Variants in CPAMD8 observed in about 807,000 individuals in gnomAD.
CPAMD8 encodes the protein C3 and PZP like alpha-2-macroglobulin domain containing 8.
CPAMD8 carries 146 observed loss-of-function variants against 224.7 expected under a neutral mutation model. The observed-to-expected ratio is 0.65, with a 90% confidence interval of 0.57 to 0.75. CPAMD8 has a LOEUF of 0.75. CPAMD8 is among the 30% of genes least tolerant of loss of function. CPAMD8 has a pLI of 0.00. For missense variants in CPAMD8, 2,301 were observed against 2,537.5 expected (o/e 0.91, Z 2.00); for synonymous variants, 966 against 1,044.6 (o/e 0.92, Z 1.45).
At chr19:16,913,439 C>G (rs997078347) in intron 29 of CPAMD8, among the ~76,000 whole-genome samples, 1 of 152,098 alleles carries the variant, frequency 6.6e-6, no homozygotes, top group African/African-American at 2.4e-5. Context: ...CACATGCACA[C>G]ACTAGGGAAA....
At chr19:16,906,726 T>G (rs1438472800) in intron 30 of CPAMD8, among the ~76,000 whole-genome samples, 1 of 151,982 alleles carries the variant, frequency 6.6e-6, no homozygotes, top group Non-Finnish European at 1.5e-5. Context: ...TGTTTTGTTT[T>G]TGAGACGGAG....
intron 21 of CPAMD8, among the ~76,000 whole-genome samples, chr19:16,946,697 T>G (rs1312908616): frequency 2.0e-5 from 3 of 148,090 alleles, no homozygotes; most frequent in Admixed American, 2.0e-4. Context: ...CGTGGGTGTG[T>G]GTGTGGATTT....
chr19:17,001,455 TG>T (rs2056318955), intron 9 of CPAMD8, among the ~76,000 whole-genome samples: 1 of 50,514 alleles, frequency 2.0e-5, no homozygotes, highest in African/African-American at 1.0e-4. Context: ...ATGGTGGGGT[TG>T]GGAGGGTCAC....
chr19:16,915,079 C>T (rs189856493), intron 27 of CPAMD8, among the ~76,000 whole-genome samples: 1 of 152,354 alleles, frequency 6.6e-6, no homozygotes, highest in East Asian at 1.9e-4. Context: ...CCTTGCTCGG[C>T]ACTCAAGGCC....
At chr19:16,979,200 A>C (rs2055398784) in intron 14 of CPAMD8, among the ~76,000 whole-genome samples, 1 of 146,972 alleles carries the variant, frequency 6.8e-6, no homozygotes, top group South Asian at 2.2e-4. Context: ...TCATCCAGTC[A>C]TCATCCGCCC....
chr19:17,013,152 A>G (rs563165885), intron 3 of CPAMD8, among the ~76,000 whole-genome samples: 2 of 151,654 alleles, frequency 1.3e-5, no homozygotes, highest in African/African-American at 4.9e-5. Flanking sequence ...TTGCACTCCA[A>G]CCTGGGTGAC....
chr19:17,013,453 A>AGG (rs750612427), intron 3 of CPAMD8: 26,977 of 151,524 alleles, frequency 0.18, 3,095 homozygotes, highest in South Asian at 0.37. Context: ...AGAGGTTGCC[A>AGG]TGAGCTGAGA....
rs1048555759 is a variant in CPAMD8 at position 16,897,788 on chromosome 19, A to T, written c.4968T>A (p.Thr1656=). 5.7e-6 allele frequency: 9 copies of T among 1,585,234 alleles called. No homozygotes were observed. The highest frequency in any genetic ancestry group is 3.7e-5 in the Admixed American group (2 of 54,696). Residue 1656 remains threonine (T), a synonymous_variant, in exon 39 of 42, where the codon ACT becomes ACA. Coordinates refer to ENST00000443236, the MANE Select transcript of CPAMD8 (RefSeq NM_015692.5). ...TGTGGGTGCTGACGTTGTAGAAGCG[A>T]GTGGCCTCGAAGGCTACGGGACGAG... ...YDYYEPAFEA[T]RFYNVSTHSP...
At position 16,947,243 on chromosome 19, in the gene CPAMD8, T is replaced by A; in HGVS notation, c.2509-16A>T. The A allele has an allele frequency of 6.2e-7, 1 of 1,602,844 alleles. No individual in the cohort carries two copies. The highest frequency in any genetic ancestry group is 8.5e-7 in the Non-Finnish European group (1 of 1,173,734). On this transcript the variant is annotated splice_polypyrimidine_tract_variant and intron_variant, in intron 20 of 41. Coordinates refer to ENST00000443236, the MANE Select transcript of CPAMD8 (RefSeq NM_015692.5). ...TCATGTACACCTGCAGAGGGTGGCA[T>A]TGGCTCATGGCGCCTGGAATCCAGA...
At chr19:16,988,241 G>C (rs1224277327) in intron 13 of CPAMD8, among the ~76,000 whole-genome samples, 1 of 152,146 alleles carries the variant, frequency 6.6e-6, no homozygotes, top group Non-Finnish European at 1.5e-5. Flanking sequence ...GTCAGGTCTG[G>C]GTGCAGTGGT....
intron 1 of CPAMD8, among the ~76,000 whole-genome samples, chr19:17,024,358 G>A (rs1301494474): frequency 5.3e-5 from 8 of 152,184 alleles, no homozygotes; most frequent in Non-Finnish European, 1.5e-5. Context: ...AAGACCCTGG[G>A]TATGTGCTGT....
At chr19:17,023,754 G>A (rs1459926590) in intron 1 of CPAMD8, among the ~76,000 whole-genome samples, 1 of 151,888 alleles carries the variant, frequency 6.6e-6, no homozygotes, top group African/African-American at 2.4e-5. Context: ...GCTAATTTTT[G>A]TATTTTTGGT....
chr19:16,953,676 T>C (rs1037434566), intron 19 of CPAMD8, among the ~76,000 whole-genome samples: 5 of 141,796 alleles, frequency 3.5e-5, no homozygotes, highest in Non-Finnish European at 6.1e-5. Flanking sequence ...AAAAAGGCAC[T>C]ATCAACAGAG....
chr19:16,896,069 G>T, intron 41 of CPAMD8, 107 bp downstream of exon 41: 2 of 1,271,108 alleles, frequency 1.6e-6, no homozygotes, highest in East Asian at 4.6e-5. Context: ...GGGGGTCGGG[G>T]CGGGGCGGAG....
At chr19:16,904,176 A>AGGGGCG in intron 32 of CPAMD8, 50 bp downstream of exon 32, 1 of 937,336 alleles carries the variant, frequency 1.1e-6, no homozygotes. Flanking sequence ...GACTGCAGGG[A>AGGGGCG]CCCCACCCAC....
chr19:16,986,893 C>T (rs968658829), intron 13 of CPAMD8, among the ~76,000 whole-genome samples: 1 of 151,960 alleles, frequency 6.6e-6, no homozygotes, highest in African/African-American at 2.4e-5. Context: ...CGGTGGCTCA[C>T]GCCTGTAATC....
intron 22 of CPAMD8, among the ~76,000 whole-genome samples, chr19:16,943,950 C>T (rs764099048): frequency 3.9e-5 from 6 of 152,144 alleles, no homozygotes; most frequent in African/African-American, 1.4e-4. Flanking sequence ...GTGAAATTCA[C>T]GTGGAGATGA....
At chr19:17,022,378 C>G (rs1021594123) in intron 1 of CPAMD8, among the ~76,000 whole-genome samples, 197 bp from the exon 2 acceptor site, 4 of 152,192 alleles carry the variant, frequency 2.6e-5, no homozygotes, top group Non-Finnish European at 5.9e-5. Context: ...CTGTGAAGTC[C>G]CCATGCTGGG....
At chr19:16,975,511 A>T (rs2055232602) in intron 16 of CPAMD8, among the ~76,000 whole-genome samples, 1 of 152,152 alleles carries the variant, frequency 6.6e-6, no homozygotes. Flanking sequence ...GTTCGAGACC[A>T]GCCTGGGCAA....
Sources: gnomAD v4.1 joint callset for allele counts (sites outside exome capture counted in the v4.1 genomes callset) on GRCh38, gnomAD v4.1.1 for gene constraint, MANE v1.5 for transcripts, NCBI Gene and HGNC (gene_info 2026-07-23, HGNC 2026-07-21) for gene names.